Variants in PRR13 observed in about 807,000 individuals in gnomAD.
The protein encoded by PRR13 is proline rich 13.
In PRR13, 7 loss-of-function variants were observed where a neutral mutation model predicts 11.5. The observed-to-expected ratio is 0.61, with a 90% CI of 0.34 to 1.14. PRR13 has a LOEUF of 1.14. Ranked by LOEUF, PRR13 falls within the 50% of genes most tolerant of loss-of-function variation. PRR13 has a pLI of 0.03. For synonymous variants in PRR13, 53 were observed against 67.8 expected, an observed-to-expected ratio of 0.78 and a Z score of 1.07; for missense variants, 155 against 194.4, an observed-to-expected ratio of 0.80 and a Z score of 1.21.
intron 1 of PRR13, 49 bp from the exon 2 acceptor site, chr12:53,442,646 T>C (rs1940315679): frequency 6.5e-7 from 1 of 1,527,868 alleles, no homozygotes; most frequent in South Asian, 1.1e-5. Context: ...CTAAGTCCAC[T>C]TCCTACCTCT....
Position 53,443,814 on chromosome 12 carries a change from C to G in PRR13, c.402+41C>G, listed in dbSNP as rs1421006689. On this transcript the variant is annotated intron_variant, in intron 3 of 3. Coordinates refer to ENST00000429243, the MANE Select transcript of PRR13 (RefSeq NM_018457.4). ...AGACTGGCTAGGGAAGGAGTCCCCC[C>G]TCAGAGGGACTAGGTAGGCAGGGGT... 4 of 1,553,526 alleles carry G rather than the reference C, an allele frequency of 2.6e-6. No homozygotes were observed. The South Asian group carries it at 3.5e-5, about 14-fold the overall frequency.
At chr12:53,443,921 A>G in intron 3 of PRR13, 148 bp downstream of exon 3, 1 of 978,490 alleles carries the variant, frequency 1.0e-6, no homozygotes, top group Non-Finnish European at 1.5e-6. Context: ...TTTTTATAAA[A>G]GATTGCTACT....
At position 53,441,877 on chromosome 12, in the gene PRR13, C is replaced by A; in HGVS notation, c.-21+85C>A. On this transcript the variant is annotated intron_variant, in intron 1 of 3. Coordinates refer to ENST00000429243, the MANE Select transcript of PRR13 (RefSeq NM_018457.4). The stretch of plus-strand genomic sequence containing the variant: ...CTTCGCAGCTTGGGGCTAGGATCTT[C>A]ATTTGCCTTTTTTCTTTTTTGGAGG... 3 of 696,066 alleles carry A rather than the reference C, an allele frequency of 4.3e-6. No homozygotes were observed. In the South Asian group the frequency reaches 4.5e-5, roughly 10 times the overall value. The allele number at this position is 696,066 out of a possible 1,614,324, so 43.1% of individuals were successfully genotyped here.
At chr12:53,441,884 C>T in intron 1 of PRR13, 92 bp downstream of exon 1, 1 of 694,450 alleles carries the variant, frequency 1.4e-6, no homozygotes, top group Non-Finnish European at 2.6e-6. Context: ...CTTCATTTGC[C>T]TTTTTTCTTT....
intron 1 of PRR13, 104 bp from the exon 2 acceptor site, chr12:53,442,588 TAGG>T: frequency 3.2e-6 from 3 of 929,428 alleles, no homozygotes; most frequent in Non-Finnish European, 5.2e-6. Flanking sequence ...GTTCTCCAGG[TAGG>T]AGAGCCTACT....
intron 3 of PRR13, 24 bp from the exon 4 acceptor site, chr12:53,445,991 C>T (rs748879092): frequency 3.8e-6 from 6 of 1,599,080 alleles, no homozygotes; most frequent in Non-Finnish European, 5.1e-6. Flanking sequence ...TATCTTCTTT[C>T]CCCTTTCCCC....
intron 3 of PRR13, 121 bp downstream of exon 3, chr12:53,443,894 T>C: frequency 1.7e-6 from 2 of 1,159,358 alleles, no homozygotes; most frequent in South Asian, 3.3e-5. Flanking sequence ...TGTGTCGCTC[T>C]GGTAGATGAT....
At chr12:53,444,681 G>T (rs1322115220) in intron 3 of PRR13, among the ~76,000 whole-genome samples, 1 of 152,172 alleles carries the variant, frequency 6.6e-6, no homozygotes, top group Non-Finnish European at 1.5e-5. Flanking sequence ...TTTTAGAGGA[G>T]TGTTAAAAAT....
intron 3 of PRR13, among the ~76,000 whole-genome samples, chr12:53,444,938 A>C: frequency 6.6e-6 from 1 of 152,144 alleles, no homozygotes; most frequent in Non-Finnish European, 1.5e-5. Context: ...AGCAACTCTG[A>C]GGACAACTCT....
Position 53,443,575 on chromosome 12 carries a change from T to C in PRR13, c.204T>C (p.Tyr68=). The stretch of plus-strand genomic sequence containing the variant: ...CTCATCCTGTGCCACAGCCAGGGTA[T>C]CCAGGATGCCAACCGTTGGGTCCCT... The part of the protein sequence containing the change: ...GPPHPVPQPG[Y]PGCQPLGPYP... Residue 68 remains tyrosine (Y), a synonymous_variant, in exon 3 of 4, where the codon TAT becomes TAC. Coordinates refer to ENST00000429243, the MANE Select transcript of PRR13 (RefSeq NM_018457.4). The C allele has an allele frequency of 6.2e-7, 1 of 1,607,292 alleles. No individual in the cohort carries two copies. The highest frequency in any genetic ancestry group is 1.9e-4 in the Middle Eastern group (1 of 5,212).
At chr12:53,444,600 A>T (rs1024741579) in intron 3 of PRR13, among the ~76,000 whole-genome samples, 3 of 152,212 alleles carry the variant, frequency 2.0e-5, no homozygotes, top group Non-Finnish European at 2.9e-5. Flanking sequence ...AAGTGCTGGG[A>T]TTACAGGCGT....
Position 53,441,771 on chromosome 12 carries a change from A to C in PRR13, c.-42A>C, listed in dbSNP as rs1475280444. On this transcript the variant is annotated 5_prime_UTR_variant, in exon 1 of 4. Transcript: ENST00000429243. ...CCGAGACTGCGAAGGAGAACGCAGC[A>C]AGCCCAGGCGGCGGTGGAAAGGTGA... 5.7e-6 allele frequency: 4 copies of C among 702,132 alleles called. No individual in the cohort carries two copies. The highest frequency in any genetic ancestry group is 4.0e-5 in the Admixed American group (2 of 49,968). The allele number at this position is 702,132 out of a possible 1,614,324, so 43.5% of individuals were successfully genotyped here.
intron 2 of PRR13, chr12:53,443,014 G>A (rs1043587201): frequency 5.7e-5 from 22 of 386,402 alleles, no homozygotes; most frequent in African/African-American, 1.0e-4. Context: ...ATGCTATCAC[G>A]CCCGGCTACT....
chr12:53,441,935 A>G, intron 1 of PRR13, 143 bp downstream of exon 1: 1 of 649,582 alleles, frequency 1.5e-6, no homozygotes, highest in South Asian at 1.7e-5. Flanking sequence ...TAAGTATTTG[A>G]GGTTCTTGGG....
chr12:53,443,826 A>G, intron 3 of PRR13, 53 bp downstream of exon 3: 1 of 1,536,342 alleles, frequency 6.5e-7, no homozygotes, highest in Non-Finnish European at 8.8e-7. Context: ...CAGAGGGACT[A>G]GGTAGGCAGG....
intron 3 of PRR13, among the ~76,000 whole-genome samples, chr12:53,444,531 G>A (rs376661654): frequency 1.2e-4 from 19 of 152,118 alleles, no homozygotes; most frequent in East Asian, 5.8e-4. Context: ...GGGTTTCACC[G>A]TGTTAGCCAA....
At position 53,446,146 on chromosome 12, in the gene PRR13, G is replaced by A; in HGVS notation, c.*87G>A. On this transcript the variant is annotated 3_prime_UTR_variant, in exon 4 of 4. Coordinates refer to ENST00000429243, the MANE Select transcript of PRR13 (RefSeq NM_018457.4). ...TGCCATGTTGTACTGGGGGAATGTAGCCCTTGTGCTCCCCACCCCCTACCT... is the reference window on the plus strand; with the variant it reads ...TGCCATGTTGTACTGGGGGAATGTAACCCTTGTGCTCCCCACCCCCTACCT... 6.3e-7 allele frequency: 1 copy of A among 1,599,818 alleles called. No homozygotes were observed. The highest frequency in any genetic ancestry group is 8.5e-7 in the Non-Finnish European group (1 of 1,176,074).
intron 3 of PRR13, 99 bp downstream of exon 3, chr12:53,443,872 AG>A: frequency 2.9e-6 from 4 of 1,356,434 alleles, no homozygotes; most frequent in Non-Finnish European, 4.0e-6. Context: ...TGTGGACGTG[AG>A]GGATGACAAT....
chr12:53,443,064 C>T, intron 2 of PRR13: 1 of 364,594 alleles, frequency 2.7e-6, no homozygotes, highest in Non-Finnish European at 4.9e-6. Flanking sequence ...CACAATTTGG[C>T]CAGGCTGGTC....
Sources: allele counts gnomAD v4.1 joint callset (sites outside exome capture counted in the v4.1 genomes callset), GRCh38; gene constraint gnomAD v4.1.1; transcripts MANE v1.5; gene names NCBI Gene and HGNC (gene_info 2026-07-23, HGNC 2026-07-21).